Variants in TMEM232 observed in about 807,000 individuals in gnomAD.
TMEM232 encodes the protein transmembrane protein 232.
Under a neutral mutation model 78.8 loss-of-function variants are expected in TMEM232, and 80 were observed. The observed-to-expected ratio is 1.01, with a 90% confidence interval of 0.85 to 1.22. The LOEUF (loss-of-function observed/expected upper bound fraction) is 1.22, where lower values mean the gene tolerates loss of function less well. Among genes scored for constraint, TMEM232 ranks in the 50% most tolerant of loss-of-function variants. TMEM232 has a pLI of 0.00. For synonymous variants in TMEM232, 297 were observed against 254.3 expected (o/e 1.17, Z -1.60); for missense variants, 881 against 742.2 (o/e 1.19, Z -2.17).
At chr5:110,415,299 C>T (rs947832502), downstream of TMEM232, among the ~76,000 whole-genome samples, 23 of 151,772 alleles carry the variant, frequency 1.5e-4, no homozygotes, top group Admixed American at 5.2e-4. Context: ...GCCATTCTCC[C>T]GCCTCAGCCT....
intron 12 of TMEM232, among the ~76,000 whole-genome samples, chr5:110,511,934 C>T (rs973391606): frequency 3.3e-5 from 5 of 152,138 alleles, no homozygotes; most frequent in African/African-American, 1.2e-4. Context: ...TCCATGGTCC[C>T]TTGCACCATA....
chr5:110,391,326 T>TGTGTGTGTGTGAGAGAGAGAGA (rs549361387), intron 3 of TMEM232, among the ~76,000 whole-genome samples: 5 of 139,924 alleles, frequency 3.6e-5, no homozygotes, highest in African/African-American at 1.5e-4. Context: ...TGTGTGTGTG[T>TGTGTGTGTGTGAGAGAGAGAGA]GAGAGAGAGA....
At chr5:110,579,601 G>T (rs1046364093) in intron 10 of TMEM232, among the ~76,000 whole-genome samples, 3 of 151,562 alleles carry the variant, frequency 2.0e-5, no homozygotes, top group African/African-American at 7.3e-5. Flanking sequence ...GATTGATGTT[G>T]TTTTCAACAC....
Position 110,598,182 on chromosome 5 carries a change from A to G in TMEM232, c.1276+6927T>C, listed in dbSNP as rs190729619. Among the ~76,000 whole-genome samples, 999 of 152,342 alleles carry G rather than the reference A, an allele frequency of 6.6e-3. 16 individuals are homozygous for G. Among genetic ancestry groups the G allele is most frequent in the African/African-American group, 0.023 (973 of 41,586 alleles). On this transcript the variant is annotated intron_variant, in intron 10 of 13. Transcript: ENST00000455884. ...TTACAAGAAAAAAACAAACAACCCC[A>G]TCAAAAAGTGGGCAAAGAATATGAA...
Position 110,391,326 on chromosome 5 carries a change from T to TGTGTGTGAGAGAGAGAGAGA in TMEM232, n.391-687_391-686insTCTCTCTCTCTCTCACACAC, listed in dbSNP as rs549361387. ...GTGTGTGTGTGTGTGTGTGTGTGTGTGAGAGAGAGAGAGAGAGAGAGAAAC... is the reference window on the plus strand; with the variant it reads ...GTGTGTGTGTGTGTGTGTGTGTGTGTGTGTGTGAGAGAGAGAGAGAGAGAGAGAGAGAGAGAGAGAGAAAC... On this transcript the variant is annotated intron_variant and non_coding_transcript_variant, in intron 3 of 8. Coordinates refer to the TMEM232 transcript ENST00000507188. 6.4e-5 allele frequency among the ~76,000 whole-genome samples: 9 copies of TGTGTGTGAGAGAGAGAGAGA among 139,922 alleles called. No individual in the cohort carries two copies. In the Middle Eastern group the frequency reaches 0.014, roughly 222 times the overall value. The allele number at this position is 139,922 out of a possible 152,430, so 91.8% of individuals were successfully genotyped here. A position where few individuals can be genotyped will look rare whatever the true frequency, so the allele number is the denominator to read the frequency against.
chr5:110,497,025 A>G (rs980642329), intron 12 of TMEM232, among the ~76,000 whole-genome samples: 1 of 152,050 alleles, frequency 6.6e-6, no homozygotes, highest in Non-Finnish European at 1.5e-5. Context: ...GATCAATAGT[A>G]AATCAATTGA....
intron 12 of TMEM232, among the ~76,000 whole-genome samples, chr5:110,473,629 C>T (rs946781974): frequency 2.2e-4 from 34 of 151,274 alleles, no homozygotes; most frequent in African/African-American, 8.2e-4. Context: ...ATCTAGCAAT[C>T]TCACTACTGG....
chr5:110,391,293 G>A (rs192620064), intron 3 of TMEM232, among the ~76,000 whole-genome samples: 1 of 126,090 alleles, frequency 7.9e-6, no homozygotes, highest in African/African-American at 3.7e-5. Flanking sequence ...CCGTTTGAAT[G>A]TGTGTGTGTG....
At chr5:110,721,911 A>G (rs950314731) in intron 1 of TMEM232, among the ~76,000 whole-genome samples, 1 of 151,786 alleles carries the variant, frequency 6.6e-6, no homozygotes, top group African/African-American at 2.4e-5. Context: ...ACATCCATGC[A>G]TTTATGTTGC....
chr5:110,437,784 A>T (rs1758597265), intron 12 of TMEM232, among the ~76,000 whole-genome samples: 1 of 152,134 alleles, frequency 6.6e-6, no homozygotes, highest in African/African-American at 2.4e-5. Context: ...TAATTTGATG[A>T]ATACGAAGAA....
chr5:110,532,066 C>G (rs2149540593), intron 11 of TMEM232, among the ~76,000 whole-genome samples: 1 of 152,262 alleles, frequency 6.6e-6, no homozygotes, highest in Admixed American at 6.5e-5. Flanking sequence ...GCCTGAACTG[C>G]AGCGGCCAGG....
chr5:110,588,050 T>C (rs537397266), intron 10 of TMEM232, among the ~76,000 whole-genome samples: 15 of 152,140 alleles, frequency 9.9e-5, no homozygotes, highest in African/African-American at 3.4e-4. Flanking sequence ...GTAAGAGATA[T>C]ATGAAAGATC....
chr5:110,681,369 C>T (rs1254180655), intron 1 of TMEM232, among the ~76,000 whole-genome samples: 2 of 152,132 alleles, frequency 1.3e-5, no homozygotes, highest in African/African-American at 2.4e-5. Context: ...ATGCTAGGTA[C>T]TTGGCTTCTG....
intron 11 of TMEM232, among the ~76,000 whole-genome samples, chr5:110,549,539 C>T (rs1300751984): frequency 2.2e-5 from 3 of 133,682 alleles, no homozygotes; most frequent in Non-Finnish European, 4.6e-5. Context: ...CGCTTGAGCA[C>T]AGGGTATAGT....
chr5:110,479,933 G>A (rs1763681380), intron 12 of TMEM232, among the ~76,000 whole-genome samples: 1 of 151,396 alleles, frequency 6.6e-6, no homozygotes, highest in African/African-American at 2.4e-5. Flanking sequence ...TTTAACATAC[G>A]ACTTTTTATT....
chr5:110,618,405 T>C, intron 8 of TMEM232, 24 bp downstream of exon 8: 1 of 1,547,312 alleles, frequency 6.5e-7, no homozygotes, highest in Non-Finnish European at 8.7e-7. Context: ...ATGAGTTACT[T>C]TGGATTTATA....
chr5:110,412,436 T>A (rs553247262), intron 2 of TMEM232, among the ~76,000 whole-genome samples: 7 of 152,304 alleles, frequency 4.6e-5, no homozygotes, highest in African/African-American at 1.4e-4. Flanking sequence ...AGCTCCATCA[T>A]GCCTCTATTT....
At chr5:110,714,996 A>G (rs571541511) in intron 1 of TMEM232, among the ~76,000 whole-genome samples, 1 of 152,334 alleles carries the variant, frequency 6.6e-6, no homozygotes, top group East Asian at 1.9e-4. Flanking sequence ...ATAGACAAAT[A>G]TAAATTTAAA....
At chr5:110,652,955 G>C (rs1329491576) in intron 2 of TMEM232, among the ~76,000 whole-genome samples, 1 of 152,082 alleles carries the variant, frequency 6.6e-6, no homozygotes, top group Non-Finnish European at 1.5e-5. Flanking sequence ...TGGTTAAATA[G>C]GCATGCCATC....
Sources: allele counts gnomAD v4.1 joint callset (sites outside exome capture counted in the v4.1 genomes callset), GRCh38; gene constraint gnomAD v4.1.1; transcripts MANE v1.5; gene names NCBI Gene and HGNC (gene_info 2026-07-23, HGNC 2026-07-21).